The following ZNF333 variants were observed in gnomAD, a reference collection of about 807,000 sequenced individuals.
ZNF333 encodes zinc finger protein 333.
In ZNF333, 61 loss-of-function variants were observed where a neutral mutation model predicts 76.1. That is an observed-to-expected ratio of 0.80 (90% CI 0.65 to 0.99). ZNF333 has a LOEUF of 0.99. Among genes scored for constraint, ZNF333 ranks in the 50% least tolerant of loss-of-function variants. ZNF333 has a pLI of 0.00. For synonymous variants in ZNF333, 284 were observed against 305.0 expected (o/e 0.93, Z 0.72); for missense variants, 717 against 822.4 (o/e 0.87, Z 1.57).
intron 5 of ZNF333, among the ~76,000 whole-genome samples, chr19:14,699,727 T>G (rs1973543460): frequency 6.6e-6 from 1 of 151,904 alleles, no homozygotes; most frequent in South Asian, 2.1e-4. Context: ...ATTCTTTTTT[T>G]CTAGAAGGTT....
At chr19:14,700,483 G>T (rs1051187543) in intron 5 of ZNF333, 2 of 152,238 alleles carry the variant, frequency 1.3e-5, no homozygotes, top group Non-Finnish European at 2.9e-5. Flanking sequence ...GAAAGTTGTT[G>T]GGCATCCTTT....
exon 12 of ZNF333, chr19:14,731,229 A>G: frequency 6.6e-7 from 1 of 1,522,878 alleles, no homozygotes; most frequent in African/African-American, 1.4e-5. Flanking sequence ...GCATGTTCAG[A>G]TCGCTAGAAT....
chr19:14,706,883 C>G (rs1296319337), intron 7 of ZNF333, 110 bp downstream of exon 7: 1 of 879,984 alleles, frequency 1.1e-6, no homozygotes, highest in Non-Finnish European at 1.7e-6. Context: ...GCAGGCACTG[C>G]CGTGGCACCA....
At chr19:14,711,572 A>G (rs1004269271) in intron 7 of ZNF333, among the ~76,000 whole-genome samples, 1 of 152,114 alleles carries the variant, frequency 6.6e-6, no homozygotes, top group Non-Finnish European at 1.5e-5. Context: ...GAGGCTGAGG[A>G]GGGAGAATCA....
chr19:14,713,054 C>T (rs549553716), intron 7 of ZNF333, among the ~76,000 whole-genome samples: 1 of 152,258 alleles, frequency 6.6e-6, no homozygotes, highest in Admixed American at 6.5e-5. Flanking sequence ...AAAGTTTCAT[C>T]TCATCTGATG....
At chr19:14,712,201 G>A (rs1451617092) in intron 7 of ZNF333, among the ~76,000 whole-genome samples, 1 of 151,794 alleles carries the variant, frequency 6.6e-6, no homozygotes, top group Non-Finnish European at 1.5e-5. Context: ...AGGGAGAGCA[G>A]GCTTTGGGAG....
chr19:14,716,090 C>G (rs747421848), intron 8 of ZNF333, 22 bp from the exon 9 acceptor site: 74 of 1,613,290 alleles, frequency 4.6e-5, no homozygotes, highest in Non-Finnish European at 5.6e-5. Flanking sequence ...CCTGGCTGAG[C>G]CGGGATGGAT....
At position 14,699,245 on chromosome 19, in the gene ZNF333, T is replaced by C; in HGVS notation, c.270T>C (p.Asp90=). ...CCGAAGAGTTGCCTTCTATGCAGGA[T>C]CTTTTGGAAGAAGCATCCTCCAGGG... The part of the protein sequence containing the change: ...LKPEELPSMQ[D]LLEEASSRDM... Residue 90 remains aspartate (D), a synonymous_variant, in exon 5 of 12, where the codon GAT becomes GAC. Coordinates refer to ENST00000292530, the MANE Select transcript of ZNF333 (RefSeq NM_032433.4). 1 of 1,613,950 alleles carries C rather than the reference T, an allele frequency of 6.2e-7. No homozygotes were observed. Among genetic ancestry groups the C allele is most frequent in the Non-Finnish European group, 8.5e-7 (1 of 1,179,944 alleles).
At chr19:14,725,175 A>G (rs746387770), downstream of ZNF333, among the ~76,000 whole-genome samples, 1 of 152,108 alleles carries the variant, frequency 6.6e-6, no homozygotes, top group South Asian at 2.1e-4. Context: ...GGGAGATTGC[A>G]TGCTCTTTTA....
rs1297964821 is a variant in ZNF333 at position 14,717,831 on chromosome 19, G to A, written c.900+98G>A. On this transcript the variant is annotated intron_variant, in intron 11 of 11. Transcript: ENST00000292530. ...GCAGCCCAAGAGCCAAGAGCGATTC[G>A]AGGCAAGAAGTGTTTACCCAGAAGG... The A allele has an allele frequency of 7.4e-6, 9 of 1,213,230 alleles. No homozygotes were observed. The Admixed American group carries it at 9.7e-5, about 13-fold the overall frequency. The allele number at this position is 1,213,230 out of a possible 1,614,324, so 75.2% of individuals were successfully genotyped here.
intron 1 of ZNF333, 123 bp from the exon 2 acceptor site, chr19:14,693,328 T>G: frequency 1.7e-6 from 1 of 591,628 alleles, no homozygotes; most frequent in Non-Finnish European, 2.8e-6. Flanking sequence ...GGGGCCAACA[T>G]GTTGCTTATG....
upstream of ZNF333, chr19:14,689,821 GC>G (rs1972608979): frequency 1.6e-5 from 2 of 121,490 alleles, no homozygotes; most frequent in African/African-American, 6.4e-5. Context: ...CGGGACCTAA[GC>G]CCCACCCCTA....
intron 6 of ZNF333, among the ~76,000 whole-genome samples, chr19:14,705,817 C>G (rs1195172471): frequency 6.6e-6 from 1 of 152,132 alleles, no homozygotes; most frequent in Admixed American, 6.5e-5. Flanking sequence ...CTAACTAATG[C>G]CTGATAATTG....
At position 14,705,924 on chromosome 19, in the gene ZNF333, A is replaced by T. The variant is rs1429820124; in HGVS notation, c.423+754A>T. ...GTCCCTGGTGCCAAAAAGGTTGGTG[A>T]CTGCTGCTGTAAGGCACGTCCTGAG... On this transcript the variant is annotated intron_variant, in intron 6 of 11. Transcript: ENST00000292530. Among the ~76,000 whole-genome samples, 3 of 152,138 alleles carry T rather than the reference A, an allele frequency of 2.0e-5. No individual in the cohort carries two copies. The East Asian group carries it at 5.8e-4, about 29-fold the overall frequency.
chr19:14,693,736 C>T (rs1467760015), intron 2 of ZNF333, among the ~76,000 whole-genome samples: 1 of 152,148 alleles, frequency 6.6e-6, no homozygotes, highest in East Asian at 1.9e-4. Context: ...GGAGCTCCTC[C>T]AGGGCCATCC....
rs890568427 is a variant in ZNF333 at position 14,720,576 on chromosome 19, T to C, written c.*1251T>C. On this transcript the variant is annotated 3_prime_UTR_variant, in exon 12 of 12. Transcript: ENST00000292530. ...CTGGATGTCCCATACATGAAAAATATGCACTTCTTACTGGTACAGTTTTCT... is the reference window on the plus strand; with the variant it reads ...CTGGATGTCCCATACATGAAAAATACGCACTTCTTACTGGTACAGTTTTCT... 7.1e-6 allele frequency: 7 copies of C among 985,360 alleles called. No individual in the cohort carries two copies. The African/African-American group carries it at 8.7e-5, about 12-fold the overall frequency. 61.0% of individuals were successfully genotyped at this position (985,360 alleles called of 1,614,324 possible). A position where few individuals can be genotyped will look rare whatever the true frequency, so the allele number is the denominator to read the frequency against.
chr19:14,729,245 G>T (rs1048979549), intron 11 of ZNF333, among the ~76,000 whole-genome samples: 1 of 152,170 alleles, frequency 6.6e-6, no homozygotes, highest in African/African-American at 2.4e-5. Flanking sequence ...TTATTGGCCA[G>T]ATAATTCTTT....
intron 7 of ZNF333, chr19:14,715,093 G>C (rs2042387705): frequency 2.9e-6 from 1 of 340,540 alleles, no homozygotes; most frequent in African/African-American, 2.1e-5. Context: ...GTGCTGGTCT[G>C]TGTGTATATG....
intron 4 of ZNF333, among the ~76,000 whole-genome samples, chr19:14,698,159 G>A (rs2146958795): frequency 6.6e-6 from 1 of 151,890 alleles, no homozygotes; most frequent in African/African-American, 2.4e-5. Context: ...GATCACTTCA[G>A]GTCAGGAGTT....
Sources: gnomAD v4.1 joint callset for allele counts (sites outside exome capture counted in the v4.1 genomes callset) on GRCh38, gnomAD v4.1.1 for gene constraint, MANE v1.5 for transcripts, NCBI Gene and HGNC (gene_info 2026-07-23, HGNC 2026-07-21) for gene names.